The following EXOC6B variants were observed in gnomAD, a reference collection of about 807,000 sequenced individuals.
EXOC6B encodes SEC15 homolog B.
Under a neutral mutation model 113.5 loss-of-function variants are expected in EXOC6B, and 54 were observed. The ratio of observed to expected loss-of-function variants is 0.48; its 90% CI spans 0.38 to 0.60. The LOEUF (loss-of-function observed/expected upper bound fraction) is 0.60. Among genes scored for constraint, EXOC6B ranks in the 20% least tolerant of loss-of-function variants. The pLI is 0.00. For missense variants in EXOC6B, 797 were observed against 977.5 expected, an observed-to-expected ratio of 0.82 and a Z score of 2.46; for synonymous variants, 357 against 339.0, an observed-to-expected ratio of 1.05 and a Z score of -0.58.
intron 2 of EXOC6B, among the ~76,000 whole-genome samples, chr2:72,737,849 C>A (rs1321384712): frequency 6.6e-6 from 1 of 151,324 alleles, no homozygotes; most frequent in Non-Finnish European, 1.5e-5. Context: ...AAGACTCTGT[C>A]TCAAAAAAAA....
rs898144176 is a variant in EXOC6B at position 72,463,288 on chromosome 2, C to T, written c.1980+1872G>A. On this transcript the variant is annotated intron_variant, in intron 18 of 21. Transcript: ENST00000272427. ...GCTTTGGTATCAGGATAAAGCTAGA[C>T]AAAATGACATAATTTTCTGCAGATA... is the stretch of plus-strand genomic sequence containing the variant. The T allele has an allele frequency of 2.9e-4, 44 of 151,966 alleles. 1 individual carries two copies. Among genetic ancestry groups the T allele is most frequent in the African/African-American group, 9.4e-4 (39 of 41,466 alleles). 9.4% of individuals were successfully genotyped at this position (151,966 alleles called of 1,614,324 possible). A position where few individuals can be genotyped will look rare whatever the true frequency, so the allele number is the denominator to read the frequency against.
rs142194641 is a variant in EXOC6B at position 72,284,432 on chromosome 2, C to T, written c.2196+50515G>A. Among the ~76,000 whole-genome samples, 343 of 151,982 alleles carry T rather than the reference C, an allele frequency of 2.3e-3. 3 individuals are homozygous for T. The highest frequency in any genetic ancestry group is 7.1e-3 in the African/African-American group (293 of 41,504). On this transcript the variant is annotated intron_variant, in intron 20 of 21. Coordinates refer to ENST00000272427, the MANE Select transcript of EXOC6B (RefSeq NM_015189.3). ...ATTTGACAAAATCCAACATTATTCA[C>T]GATAAAAACACCCTCAACACAGTAG... is the stretch of plus-strand genomic sequence containing the variant.
At chr2:72,221,808 C>T (rs1411325037) in intron 20 of EXOC6B, among the ~76,000 whole-genome samples, 1 of 152,172 alleles carries the variant, frequency 6.6e-6, no homozygotes, top group African/African-American at 2.4e-5. Context: ...CTATACTCAG[C>T]TCAGGGTTTG....
At chr2:72,379,626 C>T (rs191486483) in intron 19 of EXOC6B, 103 bp downstream of exon 19, 447 of 1,112,426 alleles carry the variant, frequency 4.0e-4, no homozygotes, top group Non-Finnish European at 5.0e-4. Flanking sequence ...TATTCTTTGA[C>T]TGCATTAGGA....
chr2:72,414,228 C>T (rs1334069042), intron 18 of EXOC6B, among the ~76,000 whole-genome samples: 1 of 152,166 alleles, frequency 6.6e-6, no homozygotes, highest in Non-Finnish European at 1.5e-5. Context: ...CTTTCCCTGA[C>T]ATTAAGAGAA....
intron 20 of EXOC6B, among the ~76,000 whole-genome samples, chr2:72,199,526 C>A (rs1461336373): frequency 3.3e-5 from 5 of 152,162 alleles, no homozygotes; most frequent in Non-Finnish European, 5.9e-5. Flanking sequence ...TTTCAATGAC[C>A]AAGGGCAGTT....
chr2:72,820,329 C>G (rs1158123935), intron 1 of EXOC6B, among the ~76,000 whole-genome samples: 1 of 152,072 alleles, frequency 6.6e-6, no homozygotes, highest in South Asian at 2.1e-4. Flanking sequence ...GAATTGTAAG[C>G]AATTTTTAAT....
intron 20 of EXOC6B, among the ~76,000 whole-genome samples, chr2:72,258,009 A>G (rs1410832799): frequency 3.3e-5 from 5 of 152,210 alleles, no homozygotes; most frequent in Admixed American, 6.5e-5. Flanking sequence ...AAATTTTTAG[A>G]AGGAAATTGG....
intron 1 of EXOC6B, among the ~76,000 whole-genome samples, chr2:72,755,110 G>A (rs1410671832): frequency 1.3e-5 from 2 of 151,970 alleles, no homozygotes; most frequent in Non-Finnish European, 2.9e-5. Flanking sequence ...ATTTGAACTG[G>A]CCTTGAACCT....
At chr2:72,747,576 C>T (rs901745044) in intron 1 of EXOC6B, among the ~76,000 whole-genome samples, 2 of 152,006 alleles carry the variant, frequency 1.3e-5, no homozygotes, top group Non-Finnish European at 2.9e-5. Flanking sequence ...ATTGTTTAAG[C>T]CACTTTCCCT....
chr2:72,241,821 G>T (rs1682327707), intron 20 of EXOC6B, among the ~76,000 whole-genome samples: 1 of 152,158 alleles, frequency 6.6e-6, no homozygotes, highest in African/African-American at 2.4e-5. Context: ...AAATATTGAG[G>T]AAATTTGTGC....
chr2:72,579,866 T>C (rs1445457204), intron 6 of EXOC6B, among the ~76,000 whole-genome samples: 2 of 152,122 alleles, frequency 1.3e-5, no homozygotes, highest in East Asian at 1.9e-4. Context: ...TATAATTATA[T>C]AGGCTTCAAT....
intron 20 of EXOC6B, among the ~76,000 whole-genome samples, chr2:72,221,199 T>G (rs1044410555): frequency 2.0e-5 from 3 of 152,228 alleles, no homozygotes; most frequent in African/African-American, 7.2e-5. Context: ...ACACAATGGC[T>G]TCTGTCAAAA....
intron 19 of EXOC6B, among the ~76,000 whole-genome samples, chr2:72,365,290 C>T (rs1306066803): frequency 1.3e-5 from 2 of 151,698 alleles, no homozygotes; most frequent in Non-Finnish European, 2.9e-5. Flanking sequence ...CTTGATTCTG[C>T]TACTGGTTAT....
intron 15 of EXOC6B, 86 bp downstream of exon 15, chr2:72,495,344 G>A (rs955766402): frequency 1.9e-5 from 13 of 678,488 alleles, no homozygotes; most frequent in Non-Finnish European, 3.0e-5. Flanking sequence ...CAGGGCTGAC[G>A]GGACTATCAA....
intron 6 of EXOC6B, among the ~76,000 whole-genome samples, chr2:72,588,688 AT>A (rs574376541): frequency 1.3e-5 from 2 of 152,042 alleles, no homozygotes; most frequent in African/African-American, 2.4e-5. Context: ...AATAATTTTA[AT>A]TTTTTTAATT....
At chr2:72,761,135 G>C (rs1435652765) in intron 1 of EXOC6B, among the ~76,000 whole-genome samples, 1 of 152,012 alleles carries the variant, frequency 6.6e-6, no homozygotes, top group Non-Finnish European at 1.5e-5. Context: ...AGCCGAGATT[G>C]TGCCACTGCA....
At chr2:72,644,753 C>T (rs1049338337) in intron 6 of EXOC6B, among the ~76,000 whole-genome samples, 1 of 152,140 alleles carries the variant, frequency 6.6e-6, no homozygotes, top group Admixed American at 6.5e-5. Flanking sequence ...GATTTTGTCA[C>T]CACCTGGCCT....
intron 6 of EXOC6B, among the ~76,000 whole-genome samples, chr2:72,714,559 A>C (rs1188222261): frequency 6.6e-6 from 1 of 152,212 alleles, no homozygotes; most frequent in African/African-American, 2.4e-5. Flanking sequence ...CCAGAAACTT[A>C]GGCCTCACAG....
Sources: allele counts gnomAD v4.1 joint callset (sites outside exome capture counted in the v4.1 genomes callset), GRCh38; gene constraint gnomAD v4.1.1; transcripts MANE v1.5; gene names NCBI Gene and HGNC (gene_info 2026-07-23, HGNC 2026-07-21).